SEMA4B: variants seen among roughly 807,000 people sequenced by gnomAD.
The protein encoded by SEMA4B is semaphorin-4B.
SEMA4B carries 55 observed loss-of-function variants against 88.1 expected under a neutral mutation model. The observed-to-expected ratio is 0.62, with a 90% CI of 0.50 to 0.78. SEMA4B has a LOEUF of 0.78. SEMA4B is among the 30% of genes least tolerant of loss of function. SEMA4B has a pLI of 0.00. For synonymous variants in SEMA4B, 525 were observed against 473.6 expected (o/e 1.11, Z -1.41); for missense variants, 1,062 against 1,111.9 (o/e 0.96, Z 0.64).
At chr15:90,198,531 A>G (rs770695036), upstream of SEMA4B, among the ~76,000 whole-genome samples, 3 of 152,194 alleles carry the variant, frequency 2.0e-5, no homozygotes, top group Admixed American at 6.5e-5. Flanking sequence ...AAATATCTCA[A>G]GGTATTTTTA....
chr15:90,220,571 G>A (rs533494939), intron 4 of SEMA4B, among the ~76,000 whole-genome samples: 12 of 151,768 alleles, frequency 7.9e-5, no homozygotes, highest in South Asian at 2.1e-4. Context: ...GGGTTTCACC[G>A]TGTTAGCCAG....
chr15:90,205,753 T>C (rs1960957087), intron 1 of SEMA4B, among the ~76,000 whole-genome samples: 1 of 152,264 alleles, frequency 6.6e-6, no homozygotes. Context: ...GCAGGCCCTC[T>C]GCTAGGTGCC....
At chr15:90,189,841 C>G (rs972748714) in intron 1 of SEMA4B, among the ~76,000 whole-genome samples, 1 of 152,172 alleles carries the variant, frequency 6.6e-6, no homozygotes, top group African/African-American at 2.4e-5. Flanking sequence ...TCCCTGAAGC[C>G]CACCCGTGTG....
At chr15:90,207,840 A>G (rs1961067375) in intron 1 of SEMA4B, among the ~76,000 whole-genome samples, 1 of 152,206 alleles carries the variant, frequency 6.6e-6, no homozygotes, top group Non-Finnish European at 1.5e-5. Flanking sequence ...CAGAGCTGGC[A>G]GACATGTGGC....
In SEMA4B at chr15:90,228,604, G is replaced by C; in HGVS notation, c.2475G>C (p.Arg825=). ...VEVSPVCPRP[R]VRLGSEIRDS... ...TATCCCCAGTGTGCCCCCGGCCCCG[G>C]GTCCGCCTTGGCTCGGAGATCCGTG... Residue 825 remains arginine, a synonymous_variant, in exon 14 of 14, where the codon CGG becomes CGC. Transcript: ENST00000411539. 6.2e-7 allele frequency: 1 copy of C among 1,613,508 alleles called. No homozygotes were observed.
At chr15:90,226,670 C>A (rs1296016007) in intron 12 of SEMA4B, among the ~76,000 whole-genome samples, 1 of 152,148 alleles carries the variant, frequency 6.6e-6, no homozygotes, top group Admixed American at 6.6e-5. Flanking sequence ...ATAACATTGG[C>A]AACTGTCCTG....
intron 1 of SEMA4B, among the ~76,000 whole-genome samples, chr15:90,208,140 G>A (rs138378569): frequency 0.021 from 3,152 of 152,010 alleles, 113 homozygotes; most frequent in African/African-American, 0.072. Flanking sequence ...TGTAATCCCA[G>A]CTACTCAGGA....
rs571822750 is a variant in SEMA4B, at chr15:90,187,291, C to T, written c.-122+2210C>T. 4.6e-5 allele frequency among the ~76,000 whole-genome samples: 7 copies of T among 152,296 alleles called. No homozygotes were observed. In the South Asian group the frequency reaches 1.4e-3, roughly 32 times the overall value. The stretch of plus-strand genomic sequence containing the variant: ...TGCCTCTATCCGTGTGGTGCTGTTT[C>T]CTTTGAAAGGGATAACAGAAAAGTG... On this transcript the variant is annotated intron_variant, in intron 1 of 14. Coordinates refer to the SEMA4B transcript ENST00000332496.
At chr15:90,222,676 A>G (rs759016101) in intron 7 of SEMA4B, among the ~76,000 whole-genome samples, 2 of 152,128 alleles carry the variant, frequency 1.3e-5, no homozygotes, top group Non-Finnish European at 2.9e-5. Context: ...CCAACTGCCC[A>G]AGTTCAAACC....
At position 90,225,734 on chromosome 15, in the gene SEMA4B, G is replaced by T; in HGVS notation, c.1595G>T (p.Cys532Phe). Residue 532 changes from cysteine (C) to phenylalanine (F), a missense_variant, in exon 12 of 14, where the codon TGT becomes TTT. Physicochemically the swap from Cys to Phe is radical, Grantham distance 205. Coordinates refer to ENST00000411539, the MANE Select transcript of SEMA4B (RefSeq NM_198925.4). ...GCCAACTGCAGCCTGTACAGGAGCT[G>T]TGGGGACTGCCTCCTCGCCCGGGAC... ...PMANCSLYRS[C>F]GDCLLARDPY... The T allele has an allele frequency of 6.4e-7, 1 of 1,574,136 alleles. No individual in the cohort carries two copies.
chr15:90,214,168 AC>A (rs1961410277), intron 1 of SEMA4B, among the ~76,000 whole-genome samples: 1 of 151,736 alleles, frequency 6.6e-6, no homozygotes, highest in Non-Finnish European at 1.5e-5. Flanking sequence ...ACATGATGAA[AC>A]CCTGACTTTA....
intron 1 of SEMA4B, among the ~76,000 whole-genome samples, chr15:90,214,249 C>T (rs1961414865): frequency 6.6e-6 from 1 of 150,486 alleles, no homozygotes; most frequent in Non-Finnish European, 1.5e-5. Context: ...GAGGCTGAGG[C>T]AGGAGAATCG....
chr15:90,201,345 C>T lies in SEMA4B; in HGVS notation c.-234C>T, dbSNP rs944688162. The T allele has an allele frequency of 3.6e-5, 44 of 1,225,392 alleles. No individual in the cohort carries two copies. Among genetic ancestry groups the T allele is most frequent in the Non-Finnish European group, 4.2e-5 (41 of 982,574 alleles). The allele number at this position is 1,225,392 out of a possible 1,614,324, so 75.9% of individuals were successfully genotyped here. The stretch of plus-strand genomic sequence containing the variant: ...GCCCTCCGCCGCTTGCGGGTGAGCT[C>T]TGCCCAAGCCGAGGCTGCGGGGCCG... On this transcript the variant is annotated 5_prime_UTR_variant, in exon 1 of 14. Transcript: ENST00000411539.
At position 90,223,633 on chromosome 15, in the gene SEMA4B, G is replaced by T. The variant is rs755345484; in HGVS notation, c.936G>T (p.Arg312=). 1.2e-6 allele frequency: 2 copies of T among 1,613,564 alleles called. No individual in the cohort carries two copies. The highest frequency in any genetic ancestry group is 2.2e-5 in the South Asian group (2 of 91,046). Residue 312 remains arginine (R), a synonymous_variant, in exon 8 of 14, where the codon CGG becomes CGT. Transcript: ENST00000411539. ...TCAAGGCCCAGCTGCTGTGCTCACG[G>T]CCCGACGATGGCTTCCCCTTCAACG... ...SFLKAQLLCS[R]PDDGFPFNVL... is the part of the protein sequence containing the mutation.
chr15:90,210,628 C>T (rs976504703), intron 1 of SEMA4B, among the ~76,000 whole-genome samples: 4 of 152,158 alleles, frequency 2.6e-5, no homozygotes, highest in Non-Finnish European at 5.9e-5. Flanking sequence ...GTTTAAAGGG[C>T]TGAGAAAGTG....
intron 1 of SEMA4B, chr15:90,215,104 T>G: frequency 1.6e-6 from 1 of 620,912 alleles, no homozygotes; most frequent in Non-Finnish European, 2.1e-6. Context: ...AGGGTGCTGC[T>G]CTTTGCTTGT....
At position 90,212,324 on chromosome 15, in the gene SEMA4B, C is replaced by A. The variant is rs1207889714; in HGVS notation, c.158-5115C>A. On this transcript the variant is annotated intron_variant, in intron 1 of 13. Transcript: ENST00000411539. The surrounding 1 kb of genome is among the most constrained non-coding windows in gnomAD (Gnocchi z 4.0). ...GTGGGATGCACTGGCCTTGGTGAAG[C>A]CCCTGGCTGAAGCCTGTCGGGGTGG... Among the ~76,000 whole-genome samples the A allele has an allele frequency of 6.6e-6, 1 of 152,104 alleles. No homozygotes were observed. Among genetic ancestry groups the A allele is most frequent in the Non-Finnish European group, 1.5e-5 (1 of 68,012 alleles).
intron 1 of SEMA4B, chr15:90,190,435 G>A (rs1301074572): frequency 6.6e-6 from 1 of 152,326 alleles, no homozygotes; most frequent in Non-Finnish European, 1.5e-5. Flanking sequence ...AGAACCAAGA[G>A]CAAGGCTCTG....
intron 3 of SEMA4B, 130 bp downstream of exon 3, chr15:90,217,959 T>G: frequency 1.4e-6 from 1 of 727,388 alleles, no homozygotes. Context: ...GCTTCTGAGA[T>G]TACCCGGCCT....
Sources: allele counts gnomAD v4.1 joint callset (sites outside exome capture counted in the v4.1 genomes callset), GRCh38; gene constraint gnomAD v4.1.1; non-coding constraint Gnocchi (gnomAD v3.1); transcripts MANE v1.5; gene names NCBI Gene and HGNC (gene_info 2026-07-23, HGNC 2026-07-21).